SGCZ: variants seen among roughly 807,000 people sequenced by gnomAD.
SGCZ encodes zeta-sarcoglycan.
SGCZ carries 40 observed loss-of-function variants against 41.3 expected under a neutral mutation model. The ratio of observed to expected loss-of-function variants is 0.97; its 90% CI spans 0.75 to 1.26. SGCZ has a LOEUF of 1.26. SGCZ is among the 50% of genes most tolerant of loss of function. The pLI is 0.00. For missense variants in SGCZ, 552 were observed against 369.8 expected, an observed-to-expected ratio of 1.49 and a Z score of -4.04; for synonymous variants, 206 against 137.5, an observed-to-expected ratio of 1.50 and a Z score of -3.49.
chr8:14,474,671 G>A (rs1403663013), intron 2 of SGCZ, among the ~76,000 whole-genome samples: 1 of 152,144 alleles, frequency 6.6e-6, no homozygotes, highest in Non-Finnish European at 1.5e-5. Context: ...ACATATTGCA[G>A]AAATTATCCT....
intron 1 of SGCZ, among the ~76,000 whole-genome samples, chr8:14,586,505 G>T (rs922585705): frequency 1.3e-5 from 2 of 152,036 alleles, no homozygotes; most frequent in Non-Finnish European, 2.9e-5. Flanking sequence ...TAGCCACCAC[G>T]CCCAGCGCAA....
At chr8:15,036,435 CA>C (rs1051683013) in intron 1 of SGCZ, among the ~76,000 whole-genome samples, 5 of 151,680 alleles carry the variant, frequency 3.3e-5, no homozygotes, top group African/African-American at 1.2e-4. Context: ...GAGAGGATGA[CA>C]AAAAATAACT....
At chr8:15,048,654 C>T (rs1286067861) in intron 1 of SGCZ, among the ~76,000 whole-genome samples, 1 of 152,050 alleles carries the variant, frequency 6.6e-6, no homozygotes, top group African/African-American at 2.4e-5. Context: ...CAGATATTCT[C>T]CAATTGGGAT....
At chr8:14,850,476 C>A (rs193214562) in intron 1 of SGCZ, among the ~76,000 whole-genome samples, 4 of 151,982 alleles carry the variant, frequency 2.6e-5, no homozygotes, top group African/African-American at 9.7e-5. Flanking sequence ...AAGTGAGAAA[C>A]GTGTGAGAAG....
At chr8:14,293,985 G>A (rs367547048) in intron 3 of SGCZ, among the ~76,000 whole-genome samples, 1 of 151,610 alleles carries the variant, frequency 6.6e-6, no homozygotes, top group Non-Finnish European at 1.5e-5. Context: ...AATCTATAGA[G>A]TACTATCTTT....
chr8:14,881,369 C>T (rs1804581885), intron 1 of SGCZ, among the ~76,000 whole-genome samples: 1 of 151,964 alleles, frequency 6.6e-6, no homozygotes, highest in Admixed American at 6.6e-5. Context: ...CCATTTCGAC[C>T]CCCATACACC....
At chr8:14,420,926 G>A (rs1197473116) in intron 2 of SGCZ, among the ~76,000 whole-genome samples, 1 of 152,130 alleles carries the variant, frequency 6.6e-6, no homozygotes, top group Non-Finnish European at 1.5e-5. Context: ...GCCTGTAGAT[G>A]TTCCTGATAA....
chr8:14,399,458 C>T (rs995180922), intron 2 of SGCZ, among the ~76,000 whole-genome samples: 1 of 151,990 alleles, frequency 6.6e-6, no homozygotes, highest in Admixed American at 6.6e-5. Flanking sequence ...ATGTCTTTCT[C>T]ATGGTTTGAT....
intron 1 of SGCZ, among the ~76,000 whole-genome samples, chr8:14,676,346 A>ATGTGTGTG (rs33909996): frequency 0.029 from 4,346 of 149,376 alleles, 201 homozygotes; most frequent in African/African-American, 0.096. Flanking sequence ...AATGAAATAG[A>ATGTGTGTG]TGTGTGTGTG....
chr8:14,374,302 C>A (rs1804024846), intron 2 of SGCZ, among the ~76,000 whole-genome samples: 1 of 151,872 alleles, frequency 6.6e-6, no homozygotes, highest in Non-Finnish European at 1.5e-5. Flanking sequence ...TAACCTGTGC[C>A]CAGGAGGTCA....
intron 1 of SGCZ, among the ~76,000 whole-genome samples, chr8:15,092,619 G>C (rs954209122): frequency 6.6e-6 from 1 of 152,148 alleles, no homozygotes. Context: ...TCAGATGTAA[G>C]AGAAAACAAC....
intron 1 of SGCZ, among the ~76,000 whole-genome samples, chr8:14,822,375 A>T (rs140157205): frequency 4.1e-3 from 626 of 152,320 alleles, no homozygotes; most frequent in Non-Finnish European, 6.6e-3. Flanking sequence ...ACATTCATGA[A>T]CTGGAAGAAT....
chr8:14,667,657 C>G (rs1807953912), intron 1 of SGCZ, among the ~76,000 whole-genome samples: 1 of 152,032 alleles, frequency 6.6e-6, no homozygotes, highest in Non-Finnish European at 1.5e-5. Flanking sequence ...CTAATGATTC[C>G]AGAATAGTAT....
At position 14,773,811 on chromosome 8, in the gene SGCZ, T is replaced by C. The variant is rs985275; in HGVS notation, c.40-218885A>G. Among the ~76,000 whole-genome samples, 562 of 152,272 alleles carry C rather than the reference T, an allele frequency of 3.7e-3. 6 individuals are homozygous for C. The highest frequency in any genetic ancestry group is 0.012 in the African/African-American group (511 of 41,558). ...ATGAAGGAAAACACTCCACACCCAA[T>C]TGCCTCAATTCCTCTGAAAACTAGA... On this transcript the variant is annotated intron_variant, in intron 1 of 7. Transcript: ENST00000382080.
chr8:14,469,025 T>G (rs138629066), intron 2 of SGCZ, among the ~76,000 whole-genome samples: 94 of 151,728 alleles, frequency 6.2e-4, no homozygotes, highest in African/African-American at 2.1e-3. Context: ...TGCCTCCTCT[T>G]GGCCTGTTTC....
intron 1 of SGCZ, among the ~76,000 whole-genome samples, chr8:14,599,219 G>C (rs1805508843): frequency 6.6e-6 from 1 of 151,654 alleles, no homozygotes. Context: ...CTATTCCAAG[G>C]ATTCAACCAG....
chr8:14,678,062 T>C (rs1808330992), intron 1 of SGCZ, among the ~76,000 whole-genome samples: 1 of 152,090 alleles, frequency 6.6e-6, no homozygotes, highest in African/African-American at 2.4e-5. Context: ...ATCACAAACT[T>C]AAATGGAAAA....
rs542209519 is a variant in SGCZ, at chr8:14,847,641, AGGAG to A, written c.40-292719_40-292716del. Among the ~76,000 whole-genome samples the A allele has an allele frequency of 2.0e-4, 27 of 138,184 alleles. No individual in the cohort carries two copies. The East Asian group carries it at 6.6e-3, about 34-fold the overall frequency. 90.7% of individuals were successfully genotyped at this position (138,184 alleles called of 152,430 possible). ...AACTTTATAAAGAGGGAAGGAAGGA[AGGAG>A]GGAGGGAGGCAGGGAGGGAAGGAAG... On this transcript the variant is annotated intron_variant, in intron 1 of 7. Transcript: ENST00000382080.
chr8:15,010,701 G>A (rs558441202), intron 1 of SGCZ, among the ~76,000 whole-genome samples: 37 of 152,294 alleles, frequency 2.4e-4, no homozygotes, highest in Non-Finnish European at 3.4e-4. Flanking sequence ...GAACTAATGT[G>A]ATATAGAGGC....
Sources: gnomAD v4.1 joint callset for allele counts (sites outside exome capture counted in the v4.1 genomes callset) on GRCh38, gnomAD v4.1.1 for gene constraint, MANE v1.5 for transcripts, NCBI Gene and HGNC (gene_info 2026-07-23, HGNC 2026-07-21) for gene names.